Variants in SPTLC2 observed in about 807,000 individuals in gnomAD.
SPTLC2 encodes serine palmitoyltransferase long chain base subunit 2.
SPTLC2 carries 21 observed loss-of-function variants against 62.0 expected under a neutral mutation model. The observed-to-expected ratio is 0.34, with a 90% confidence interval of 0.24 to 0.49. SPTLC2 has a LOEUF of 0.49. Ranked by LOEUF, SPTLC2 falls within the 20% of genes least tolerant of loss-of-function variation. The pLI, the probability that SPTLC2 is intolerant of heterozygous loss-of-function variation, is 0.99. For synonymous variants in SPTLC2, 261 were observed against 261.8 expected (o/e 1.00, Z 0.03); for missense variants, 511 against 713.0 (o/e 0.72, Z 3.23).
intron 2 of SPTLC2, among the ~76,000 whole-genome samples, chr14:77,595,193 C>A (rs1389746264): frequency 6.6e-6 from 1 of 151,944 alleles, no homozygotes; most frequent in East Asian, 1.9e-4. Flanking sequence ...GGTGAAACCT[C>A]GTTTCTACTA....
rs116366671 is a variant in SPTLC2 at position 77,558,139 on chromosome 14, C to G, written c.851-993G>C. Among the ~76,000 whole-genome samples the G allele has an allele frequency of 4.1e-3, 623 of 151,940 alleles. 3 individuals carry two copies. The highest frequency in any genetic ancestry group is 0.013 in the African/African-American group (557 of 41,438). On this transcript the variant is annotated intron_variant, in intron 6 of 11. Transcript: ENST00000216484. ...CTCTCCTCACTGAGGCCTCCACCTCCAAGGTTCAAGCAATTCTCCTGCCTC... is the reference window on the plus strand; with the variant it reads ...CTCTCCTCACTGAGGCCTCCACCTCGAAGGTTCAAGCAATTCTCCTGCCTC...
At chr14:77,524,056 AG>A (rs1370232365) in intron 9 of SPTLC2, among the ~76,000 whole-genome samples, 1 of 152,192 alleles carries the variant, frequency 6.6e-6, no homozygotes, top group Non-Finnish European at 1.5e-5. Context: ...ATGTTCAAAA[AG>A]GTAGAAGAAA....
At chr14:77,529,786 C>T (rs1470235702) in intron 9 of SPTLC2, among the ~76,000 whole-genome samples, 1 of 151,720 alleles carries the variant, frequency 6.6e-6, no homozygotes, top group Non-Finnish European at 1.5e-5. Context: ...CCATGCCTGG[C>T]TCATTTTTGT....
chr14:77,584,796 G>C (rs527390470), intron 2 of SPTLC2, among the ~76,000 whole-genome samples: 3 of 151,646 alleles, frequency 2.0e-5, no homozygotes, highest in African/African-American at 4.8e-5. Flanking sequence ...AAGACACACA[G>C]ACACACACAC....
chr14:77,583,058 G>T (rs1032148020), intron 2 of SPTLC2, among the ~76,000 whole-genome samples: 11 of 152,046 alleles, frequency 7.2e-5, no homozygotes, highest in Admixed American at 7.2e-4. Flanking sequence ...AAATTAGCCA[G>T]GTGTGGTGGC....
chr14:77,510,040 A>C lies in SPTLC2; in HGVS notation c.*2244T>G, dbSNP rs1371031719. On this transcript the variant is annotated 3_prime_UTR_variant, in exon 12 of 12. Transcript: ENST00000216484. Reference sequence around the variant, plus strand: ...ATTAGTAAATAGTAACTGCAGTGCAAAAGCTATGTGGTATTCCAGTGGGAT... The same window carrying C: ...ATTAGTAAATAGTAACTGCAGTGCACAAGCTATGTGGTATTCCAGTGGGAT... The C allele has an allele frequency of 1.3e-5, 5 of 397,792 alleles. No homozygotes were observed. The highest frequency in any genetic ancestry group is 2.1e-5 in the African/African-American group (1 of 48,606). 24.6% of individuals were successfully genotyped at this position (397,792 alleles called of 1,614,324 possible). A position where few individuals can be genotyped will look rare whatever the true frequency, so the allele number is the denominator to read the frequency against.
chr14:77,577,175 T>C (rs1331690269), intron 3 of SPTLC2, among the ~76,000 whole-genome samples: 1 of 151,888 alleles, frequency 6.6e-6, no homozygotes, highest in Non-Finnish European at 1.5e-5. Flanking sequence ...TACATAAGAA[T>C]ATCAGGTTTG....
At chr14:77,586,387 T>G (rs76716413) in intron 2 of SPTLC2, among the ~76,000 whole-genome samples, 1 of 152,166 alleles carries the variant, frequency 6.6e-6, no homozygotes, top group Non-Finnish European at 1.5e-5. Flanking sequence ...AAAAATAATT[T>G]TTTTAAAGGT....
chr14:77,569,266 T>C (rs2079664134), intron 5 of SPTLC2, among the ~76,000 whole-genome samples: 1 of 152,198 alleles, frequency 6.6e-6, no homozygotes, highest in Admixed American at 6.5e-5. Context: ...TAAAATAGGT[T>C]GCTATTTTAC....
At chr14:77,567,884 G>A (rs568517354) in intron 5 of SPTLC2, among the ~76,000 whole-genome samples, 1 of 149,064 alleles carries the variant, frequency 6.7e-6, no homozygotes. Flanking sequence ...TCTAATACAG[G>A]TTGAATATTC....
At chr14:77,534,588 T>TATACACACACACACACACACACAC (rs1555373988) in intron 9 of SPTLC2, among the ~76,000 whole-genome samples, 2 of 141,124 alleles carry the variant, frequency 1.4e-5, no homozygotes, top group African/African-American at 5.3e-5. Context: ...CATATTTCAG[T>TATACACACACACACACACACACAC]ACACACACAC....
At chr14:77,610,508 A>C (rs1333737842) in intron 1 of SPTLC2, among the ~76,000 whole-genome samples, 1 of 149,798 alleles carries the variant, frequency 6.7e-6, no homozygotes, top group Non-Finnish European at 1.5e-5. Flanking sequence ...CTGATCTTGA[A>C]CTCCTGGGCT....
At chr14:77,574,849 GA>G (rs2079705451) in intron 4 of SPTLC2, among the ~76,000 whole-genome samples, 1 of 152,188 alleles carries the variant, frequency 6.6e-6, no homozygotes, top group Non-Finnish European at 1.5e-5. Context: ...AGGGGGAAGG[GA>G]AACAGTATCC....
At chr14:77,556,069 T>C (rs2079581713) in intron 7 of SPTLC2, among the ~76,000 whole-genome samples, 1 of 151,894 alleles carries the variant, frequency 6.6e-6, no homozygotes, top group Non-Finnish European at 1.5e-5. Context: ...ACACCTGTAA[T>C]CCCAGCACTT....
At chr14:77,531,376 T>C (rs770824560) in intron 9 of SPTLC2, among the ~76,000 whole-genome samples, 6 of 151,960 alleles carry the variant, frequency 3.9e-5, no homozygotes, top group Non-Finnish European at 8.8e-5. Flanking sequence ...TTGACTGTTC[T>C]CTACCATAAG....
chr14:77,534,732 A>T (rs2140003847), intron 9 of SPTLC2, among the ~76,000 whole-genome samples: 1 of 152,290 alleles, frequency 6.6e-6, no homozygotes, highest in African/African-American at 2.4e-5. Flanking sequence ...AGGGAAGCAG[A>T]TGTCATTAAA....
At chr14:77,554,827 A>G (rs898559303) in intron 8 of SPTLC2, 1 of 178,508 alleles carries the variant, frequency 5.6e-6, no homozygotes, top group East Asian at 1.4e-4. Context: ...TCATAGTTTA[A>G]AAATTGAAAA....
intron 9 of SPTLC2, chr14:77,547,553 T>C (rs1002012633): frequency 6.6e-6 from 1 of 152,302 alleles, no homozygotes; most frequent in African/African-American, 2.4e-5. Context: ...TTTTTTGTTT[T>C]GTTTTGTTTT....
intron 1 of SPTLC2, 57 bp from the exon 2 acceptor site, chr14:77,597,437 T>C: frequency 6.6e-7 from 1 of 1,518,362 alleles, no homozygotes; most frequent in South Asian, 1.1e-5. Flanking sequence ...CATTCCTACC[T>C]AAAATCTAGG....
Sources: allele counts gnomAD v4.1 joint callset (sites outside exome capture counted in the v4.1 genomes callset), GRCh38; gene constraint gnomAD v4.1.1; transcripts MANE v1.5; gene names NCBI Gene and HGNC (gene_info 2026-07-23, HGNC 2026-07-21).